The following SBNO1 variants were observed in gnomAD, a reference collection of about 807,000 sequenced individuals.
The protein encoded by SBNO1 is protein strawberry notch homolog 1.
A neutral mutation model predicts 173.6 loss-of-function variants in SBNO1; 23 were observed. The ratio of observed to expected loss-of-function variants is 0.13; its 90% confidence interval spans 0.10 to 0.19. SBNO1 has a LOEUF of 0.19. Ranked by LOEUF, SBNO1 falls within the 10% of genes least tolerant of loss-of-function variation. The pLI is 1.00. For synonymous variants in SBNO1, 632 were observed against 571.5 expected (o/e 1.11, Z -1.51); for missense variants, 1,238 against 1,671.2 (o/e 0.74, Z 4.52).
intron 29 of SBNO1, 41 bp from the exon 30 acceptor site, chr12:123,302,941 TTAAA>T: frequency 1.4e-6 from 2 of 1,432,554 alleles, no homozygotes; most frequent in Non-Finnish European, 2.0e-6. Context: ...CAGTATTGCT[TTAAA>T]TAAACTGGTT....
intron 19 of SBNO1, 133 bp from the exon 20 acceptor site, chr12:123,320,164 C>T (rs2138963570): frequency 1.9e-6 from 2 of 1,042,686 alleles, no homozygotes. Flanking sequence ...GGATACAGAA[C>T]ACTGCAACAG....
At position 123,327,995 on chromosome 12, in the gene SBNO1, G is replaced by A. The variant is rs2138992285; in HGVS notation, c.1329C>T (p.Asn443=). 2 of 1,612,756 alleles carry A rather than the reference G, an allele frequency of 1.2e-6. No individual in the cohort carries two copies. Among genetic ancestry groups the A allele is most frequent in the Non-Finnish European group, 1.7e-6 (2 of 1,179,212 alleles). The change falls in exon 11 of 32, where the codon AAC becomes AAT. Residue 443 remains asparagine, a synonymous_variant. Transcript: ENST00000602398. ...GCTTTGAAGAACCAACAGGACATAA[G>A]TTTTTGGCTTTATGACACTCATCAA... ...IVFDECHKAK[N]LCPVGSSKPT... is the part of the protein sequence containing the mutation.
At chr12:123,336,738 G>A (rs1015088589) in intron 5 of SBNO1, among the ~76,000 whole-genome samples, 19 of 152,046 alleles carry the variant, frequency 1.2e-4, no homozygotes, top group African/African-American at 4.1e-4. Context: ...ACGTCCTTCC[G>A]GCCACCATCG....
intron 30 of SBNO1, among the ~76,000 whole-genome samples, chr12:123,300,977 A>ACC (rs2048769506): frequency 6.8e-6 from 1 of 147,068 alleles, no homozygotes; most frequent in Non-Finnish European, 1.5e-5. Flanking sequence ...AAACAAAAAA[A>ACC]AACAAAAAAA....
At position 123,291,375 on chromosome 12, in the gene SBNO1, CAA is replaced by C. The variant is rs1014726272; in HGVS notation, c.*4531_*4532del. ...CTGATCTAAGAGCTAAGTTTGATCC[CAA>C]ATGCACTGAAGAAGTTAGAGGAGCT... On this transcript the variant is annotated 3_prime_UTR_variant, in exon 32 of 32. Transcript: ENST00000602398. 2 of 152,108 alleles carry C rather than the reference CAA, an allele frequency of 1.3e-5. No homozygotes were observed. Among genetic ancestry groups the C allele is most frequent in the African/African-American group, 4.8e-5 (2 of 41,400 alleles). 9.4% of individuals were successfully genotyped at this position (152,108 alleles called of 1,614,324 possible).
chr12:123,322,323 T>C (rs1379708853), intron 16 of SBNO1, among the ~76,000 whole-genome samples: 1 of 151,632 alleles, frequency 6.6e-6, no homozygotes, highest in Non-Finnish European at 1.5e-5. Flanking sequence ...CCAGACAGTG[T>C]CTACTCTGTC....
At chr12:123,299,281 T>C (rs925300116) in intron 30 of SBNO1, among the ~76,000 whole-genome samples, 1 of 150,890 alleles carries the variant, frequency 6.6e-6, no homozygotes, top group Non-Finnish European at 1.5e-5. Context: ...GGCAGGAGAA[T>C]GGCGTGAACC....
Position 123,324,928 on chromosome 12 carries a change from C to T in SBNO1, c.1973+574G>A, listed in dbSNP as rs186665348. Among the ~76,000 whole-genome samples the T allele has an allele frequency of 2.6e-5, 4 of 152,164 alleles. No homozygotes were observed. The East Asian group carries it at 7.7e-4, about 29-fold the overall frequency. On this transcript the variant is annotated intron_variant, in intron 15 of 31. Transcript: ENST00000602398. Reference sequence around the variant, plus strand: ...GGTTCAATGGATTCTCCTGCCTCAGCCTCCCAGGTAGGTGGGACTACAGGA... The same window carrying T: ...GGTTCAATGGATTCTCCTGCCTCAGTCTCCCAGGTAGGTGGGACTACAGGA...
In SBNO1 at chr12:123,343,018, G is replaced by C. The variant is rs184113874; in HGVS notation, c.551-1930C>G. On this transcript the variant is annotated intron_variant, in intron 4 of 31. Coordinates refer to ENST00000602398, the MANE Select transcript of SBNO1 (RefSeq NM_001167856.3). ...GAACTTTGGGAGGCCGAGGTGGGCTGATCACTTGAGGTCAGGAGTTCAAGA... is the reference window on the plus strand; with the variant it reads ...GAACTTTGGGAGGCCGAGGTGGGCTCATCACTTGAGGTCAGGAGTTCAAGA... Among the ~76,000 whole-genome samples, 626 of 152,304 alleles carry C rather than the reference G, an allele frequency of 4.1e-3. 4 individuals carry two copies. Among genetic ancestry groups the C allele is most frequent in the African/African-American group, 0.013 (561 of 41,574 alleles).
At chr12:123,304,327 C>G in intron 29 of SBNO1, 1 of 321,348 alleles carries the variant, frequency 3.1e-6, no homozygotes, top group Non-Finnish European at 5.9e-6. Flanking sequence ...CTCCGCCTCC[C>G]GGGTTCAAGT....
At chr12:123,345,219 C>T (rs1872987450) in intron 4 of SBNO1, 39 bp downstream of exon 4, 1 of 1,531,412 alleles carries the variant, frequency 6.5e-7, no homozygotes, top group Non-Finnish European at 9.0e-7. Context: ...ACATAGCTTA[C>T]CAGAGAGAGA....
Position 123,317,288 on chromosome 12 carries a change from AT to A in SBNO1, c.2867del (p.Asn956IlefsTer8). 6.2e-7 allele frequency: 1 copy of A among 1,614,030 alleles called. No homozygotes were observed. On this transcript the variant is annotated frameshift_variant, in exon 21 of 32. Transcript: ENST00000602398. LOFTEE classifies it high-confidence loss of function. ...ISLQADRRAKNQRRRVHMTLE... is the reference protein window; with the variant it reads ...ISLQADRRAKXQRRRVHMTLE... ...AAGTCATATGAACTCTTCGCCTTTG[AT>A]TTTTAGCTCTCCTATCTGCTTGTAA... is the stretch of plus-strand genomic sequence containing the variant.
chr12:123,336,253 C>A, intron 6 of SBNO1, 142 bp downstream of exon 6: 1 of 597,556 alleles, frequency 1.7e-6, no homozygotes, highest in East Asian at 3.1e-5. Context: ...AAAATAAAAT[C>A]CAAGCTTCTT....
chr12:123,334,494 G>C (rs543682798), intron 6 of SBNO1, among the ~76,000 whole-genome samples: 18 of 152,322 alleles, frequency 1.2e-4, no homozygotes, highest in African/African-American at 4.3e-4. Context: ...GATCACTTGA[G>C]GTCAGGCGTT....
chr12:123,350,638 AGAG>A (rs1873767460), intron 1 of SBNO1, among the ~76,000 whole-genome samples, 197 bp from the exon 2 acceptor site: 1 of 152,266 alleles, frequency 6.6e-6, no homozygotes, highest in African/African-American at 2.4e-5. Context: ...TAGAAAGGAT[AGAG>A]AAGTACATAA....
intron 4 of SBNO1, among the ~76,000 whole-genome samples, chr12:123,343,665 G>A (rs1444322561): frequency 6.6e-6 from 1 of 151,310 alleles, no homozygotes; most frequent in East Asian, 1.9e-4. Context: ...AGCCTCCCAA[G>A]TAGCTGGAAT....
intron 15 of SBNO1, among the ~76,000 whole-genome samples, chr12:123,324,522 G>A (rs529182998): frequency 1.4e-3 from 217 of 151,970 alleles, no homozygotes; most frequent in Middle Eastern, 3.4e-3. Context: ...AGGTTTCACC[G>A]TGTTGGCCAG....
In SBNO1 at chr12:123,326,280, G is replaced by A; in HGVS notation, c.1747C>T (p.Gln583Ter). Residue 583 changes from glutamine to a stop codon, truncating the protein, a stop_gained, in exon 14 of 32, where the codon CAA becomes TAA. Coordinates refer to ENST00000602398, the MANE Select transcript of SBNO1 (RefSeq NM_001167856.3). LOFTEE classifies it high-confidence loss of function. The part of the protein sequence containing the change: ...QQAADLIDAE[Q>*]RMKKSMWGQF... ...CCCCACATGGACTTCTTCATTCGTT[G>A]CTCAGCATCAATCAGATCTGCAGCT... The A allele has an allele frequency of 6.2e-7, 1 of 1,612,928 alleles. No individual in the cohort carries two copies. Among genetic ancestry groups the A allele is most frequent in the Non-Finnish European group, 8.5e-7 (1 of 1,179,270 alleles).
chr12:123,324,344 G>A (rs1349028233), intron 15 of SBNO1, among the ~76,000 whole-genome samples: 2 of 128,066 alleles, frequency 1.6e-5, no homozygotes, highest in African/African-American at 5.9e-5. Flanking sequence ...TTTTTTTTGA[G>A]ACCGAGTCTC....
Sources: allele counts gnomAD v4.1 joint callset (sites outside exome capture counted in the v4.1 genomes callset), GRCh38; gene constraint gnomAD v4.1.1; transcripts MANE v1.5; gene names NCBI Gene and HGNC (gene_info 2026-07-23, HGNC 2026-07-21).